The following LOC400499 variants were observed in gnomAD, a reference collection of about 807,000 sequenced individuals.
At chr16:11,437,755 G>A in the LOC400499 span, among the ~76,000 whole-genome samples, 3 of 152,160 alleles carry the variant, frequency 2.0e-5, no homozygotes, top group Non-Finnish European at 4.4e-5. Flanking sequence ...TGTAATCCCA[G>A]CTACTTGGGA....
At chr16:11,502,236 G>T in the LOC400499 span, 2 of 398,732 alleles carry the variant, frequency 5.0e-6, no homozygotes, top group Non-Finnish European at 4.4e-6. Context: ...ATCCCCGAAG[G>T]TCACCTCACC....
chr16:11,495,851 T>C, the LOC400499 span, among the ~76,000 whole-genome samples: 638 of 152,298 alleles, frequency 4.2e-3, 4 homozygotes, highest in African/African-American at 0.015. Flanking sequence ...CCCACAGCTA[T>C]AGATAGAACT....
At chr16:11,507,593 GC>G in the LOC400499 span, among the ~76,000 whole-genome samples, 1 of 152,164 alleles carries the variant, frequency 6.6e-6, no homozygotes, top group Non-Finnish European at 1.5e-5. Context: ...CGCAAGTGAG[GC>G]CCCGGAGCTT....
chr16:11,387,764 C>T, the LOC400499 span, among the ~76,000 whole-genome samples: 2 of 152,002 alleles, frequency 1.3e-5, no homozygotes, highest in African/African-American at 4.8e-5. Flanking sequence ...GCTGGGACTA[C>T]CAGCGCCCAC....
the LOC400499 span, chr16:11,417,499 G>C: frequency 1.5e-3 from 596 of 397,778 alleles, 10 homozygotes; most frequent in East Asian, 0.021. Context: ...AGGCTGTCTT[G>C]GTTGTCCTGG....
chr16:11,508,202 C>G, the LOC400499 span, among the ~76,000 whole-genome samples: 1 of 152,164 alleles, frequency 6.6e-6, no homozygotes, highest in Admixed American at 6.5e-5. Context: ...TCTCTCAGAA[C>G]AAGACAGATG....
chr16:11,465,872 G>A, the LOC400499 span, among the ~76,000 whole-genome samples: 1 of 151,548 alleles, frequency 6.6e-6, no homozygotes, highest in Non-Finnish European at 1.5e-5. Flanking sequence ...GGAATAGAGG[G>A]AGGGAAAGAC....
chr16:11,375,666 T>G, the LOC400499 span, among the ~76,000 whole-genome samples: 2 of 152,156 alleles, frequency 1.3e-5, no homozygotes, highest in Non-Finnish European at 2.9e-5. Flanking sequence ...GTTGAGCATC[T>G]TTTTATGTGC....
chr16:11,417,497 T>C, the LOC400499 span: 45,263 of 397,492 alleles, frequency 0.11, 3,086 homozygotes, highest in African/African-American at 0.24. Flanking sequence ...CAAGGCTGTC[T>C]TGGTTGTCCT....
At chr16:11,375,815 T>A in the LOC400499 span, among the ~76,000 whole-genome samples, 1 of 148,750 alleles carries the variant, frequency 6.7e-6, no homozygotes, top group Non-Finnish European at 1.5e-5. Flanking sequence ...CCGCAACCTC[T>A]GCCTCCCAGG....
chr16:11,457,951 CAGCACTATGGG>C, the LOC400499 span, among the ~76,000 whole-genome samples: 2 of 152,196 alleles, frequency 1.3e-5, no homozygotes, highest in Admixed American at 6.5e-5. Flanking sequence ...CCTGTAATCC[CAGCACTATGGG>C]AGGCCGAGGC....
the LOC400499 span, chr16:11,407,117 A>G: frequency 2.5e-6 from 1 of 397,746 alleles, no homozygotes; most frequent in Non-Finnish European, 4.4e-6. Flanking sequence ...CCGGGACACT[A>G]GGACAATTTT....
At chr16:11,409,776 T>C in the LOC400499 span, among the ~76,000 whole-genome samples, 3 of 152,232 alleles carry the variant, frequency 2.0e-5, no homozygotes, top group Non-Finnish European at 4.4e-5. Flanking sequence ...CAGGAAATAG[T>C]TGAAGTATTT....
At chr16:11,478,202 GT>G in the LOC400499 span, among the ~76,000 whole-genome samples, 89 of 148,832 alleles carry the variant, frequency 6.0e-4, no homozygotes, top group South Asian at 4.7e-3. Flanking sequence ...TAATTTTTGT[GT>G]TTTCAGTAGA....
the LOC400499 span, among the ~76,000 whole-genome samples, chr16:11,511,555 C>G: frequency 5.8e-4 from 88 of 152,270 alleles, no homozygotes; most frequent in East Asian, 1.9e-4. Flanking sequence ...ATGGATGAAC[C>G]TTAAACACCG....
At chr16:11,524,740 C>A in the LOC400499 span, among the ~76,000 whole-genome samples, 1 of 149,934 alleles carries the variant, frequency 6.7e-6, no homozygotes, top group Non-Finnish European at 1.5e-5. Flanking sequence ...AGGCCAGCAC[C>A]CCTCCCTCCC....
the LOC400499 span, chr16:11,398,648 C>A: frequency 8.5e-6 from 5 of 584,854 alleles, no homozygotes; most frequent in African/African-American, 3.9e-5. Context: ...ACAGCACCCC[C>A]TTACACTCTG....
chr16:11,396,929 C>T, the LOC400499 span, among the ~76,000 whole-genome samples: 1 of 152,184 alleles, frequency 6.6e-6, no homozygotes, highest in African/African-American at 2.4e-5. Context: ...CCCCGTGTTC[C>T]TCAAGGCAGA....
the LOC400499 span, chr16:11,472,074 G>A: frequency 5.5e-6 from 2 of 362,852 alleles, no homozygotes; most frequent in African/African-American, 4.2e-5. Flanking sequence ...GCTGAATCCT[G>A]GATCCCCATC....
Sources: allele counts gnomAD v4.1 joint callset (sites outside exome capture counted in the v4.1 genomes callset), GRCh38; gene constraint gnomAD v4.1.1; transcripts MANE v1.5.